Variants in LCLAT1 observed in about 807,000 individuals in gnomAD.
LCLAT1 encodes lysocardiolipin acyltransferase 1, also known as 1-AGP acyltransferase 8.
A neutral mutation model predicts 30.7 loss-of-function variants in LCLAT1; 11 were observed. The observed-to-expected ratio is 0.36, with a 90% CI of 0.23 to 0.59. The LOEUF is 0.59. LCLAT1 is among the 20% of genes least tolerant of loss of function. The probability of loss-of-function intolerance (pLI) is 0.77; values close to 1 mark genes in which losing one functional copy is unlikely to be tolerated. For missense variants in LCLAT1, 402 were observed against 458.6 expected (o/e 0.88, Z 1.13); for synonymous variants, 155 against 151.3 (o/e 1.02, Z -0.18).
chr2:30,459,634 A>G, intron 1 of LCLAT1: 6 of 1,613,842 alleles, frequency 3.7e-6, no homozygotes, highest in Non-Finnish European at 4.2e-6. Context: ...GGGAAGGGAA[A>G]TTGTGGTGCT....
chr2:30,538,850 C>G (rs78143937), intron 3 of LCLAT1, among the ~76,000 whole-genome samples: 1,660 of 152,044 alleles, frequency 0.011, 59 homozygotes, highest in East Asian at 0.08. Flanking sequence ...AAAACCCAAA[C>G]AGACCAATAA....
At chr2:30,612,629 G>C (rs553064969) in intron 5 of LCLAT1, among the ~76,000 whole-genome samples, 14 of 152,266 alleles carry the variant, frequency 9.2e-5, no homozygotes, top group African/African-American at 3.4e-4. Context: ...AGTATCTAAG[G>C]CTTGGCAAAG....
chr2:30,597,082 C>G (rs933754254), intron 5 of LCLAT1, among the ~76,000 whole-genome samples: 2 of 146,582 alleles, frequency 1.4e-5, no homozygotes, highest in African/African-American at 2.5e-5. Context: ...AATGTGATGC[C>G]TCCAGCTGTG....
chr2:30,509,856 G>A (rs983357275), intron 1 of LCLAT1, among the ~76,000 whole-genome samples: 1 of 152,146 alleles, frequency 6.6e-6, no homozygotes, highest in African/African-American at 2.4e-5. Context: ...AAGCCACGAC[G>A]CCCAACAAAG....
chr2:30,520,375 A>G (rs6739322), intron 1 of LCLAT1, among the ~76,000 whole-genome samples: 36,478 of 152,176 alleles, frequency 0.24, 5,328 homozygotes, highest in East Asian at 0.52. Context: ...TAACATCTTT[A>G]TTTTATAGGC....
intron 1 of LCLAT1, among the ~76,000 whole-genome samples, chr2:30,451,595 A>G (rs1681552082): frequency 6.6e-6 from 1 of 151,386 alleles, no homozygotes; most frequent in African/African-American, 2.4e-5. Context: ...ATGGATGAGT[A>G]AATCGTGATA....
intron 5 of LCLAT1, among the ~76,000 whole-genome samples, chr2:30,602,793 C>T (rs559619561): frequency 1.2e-4 from 18 of 152,136 alleles, no homozygotes; most frequent in Non-Finnish European, 2.5e-4. Flanking sequence ...TCCTGGAGTG[C>T]TACTCTTCAC....
intron 1 of LCLAT1, among the ~76,000 whole-genome samples, chr2:30,485,004 T>G (rs1683494744): frequency 6.6e-6 from 1 of 152,156 alleles, no homozygotes; most frequent in Non-Finnish European, 1.5e-5. Flanking sequence ...GAAGGTTTAT[T>G]AAACCCTGAC....
chr2:30,524,794 A>G (rs1257123019), intron 1 of LCLAT1, among the ~76,000 whole-genome samples: 1 of 152,092 alleles, frequency 6.6e-6, no homozygotes, highest in Non-Finnish European at 1.5e-5. Flanking sequence ...ACCACGCCTA[A>G]TTTGTAAGTT....
intron 1 of LCLAT1, among the ~76,000 whole-genome samples, chr2:30,517,597 A>T (rs1685242212): frequency 6.6e-6 from 1 of 152,228 alleles, no homozygotes; most frequent in Admixed American, 6.5e-5. Context: ...GATGAAAGCA[A>T]ATTGAATAAA....
intron 5 of LCLAT1, among the ~76,000 whole-genome samples, chr2:30,629,614 A>G (rs1215624882): frequency 6.6e-6 from 1 of 152,196 alleles, no homozygotes; most frequent in African/African-American, 2.4e-5. Flanking sequence ...TACAATACCA[A>G]GCATTAGTAA....
At position 30,570,855 on chromosome 2, in the gene LCLAT1, G is replaced by A. The variant is rs74374684; in HGVS notation, c.628+2679G>A. Among the ~76,000 whole-genome samples the A allele has an allele frequency of 2.8e-4, 42 of 152,306 alleles. No individual in the cohort carries two copies. In the East Asian group the frequency reaches 7.3e-3, roughly 27 times the overall value. On this transcript the variant is annotated intron_variant, in intron 5 of 5. Coordinates refer to ENST00000379509, the MANE Select transcript of LCLAT1 (RefSeq NM_001002257.3). ...GCAGGAAGAGGCTAAGGAGGCATCAGTTGGGGAGTTGAGGGCAACTCTCAT... is the reference window on the plus strand; with the variant it reads ...GCAGGAAGAGGCTAAGGAGGCATCAATTGGGGAGTTGAGGGCAACTCTCAT...
At chr2:30,593,105 C>T (rs776754628) in intron 5 of LCLAT1, among the ~76,000 whole-genome samples, 2 of 152,180 alleles carry the variant, frequency 1.3e-5, no homozygotes, top group Non-Finnish European at 2.9e-5. Context: ...CATAATTCTG[C>T]TCTCTGCCTC....
intron 1 of LCLAT1, among the ~76,000 whole-genome samples, chr2:30,451,295 A>C (rs945097643): frequency 1.3e-5 from 2 of 152,202 alleles, no homozygotes; most frequent in African/African-American, 4.8e-5. Flanking sequence ...GTGTAGACCA[A>C]CTGGATCTCT....
chr2:30,575,433 A>T (rs17009815), intron 5 of LCLAT1, among the ~76,000 whole-genome samples: 2 of 152,100 alleles, frequency 1.3e-5, no homozygotes, highest in Non-Finnish European at 2.9e-5. Flanking sequence ...CATCTCTCGC[A>T]TACACACATA....
rs1371106527 is a variant in LCLAT1, at chr2:30,568,122, G to C, written c.574G>C (p.Val192Leu). The C allele has an allele frequency of 5.0e-6, 8 of 1,609,056 alleles. No homozygotes were observed. Among genetic ancestry groups the C allele is most frequent in the Non-Finnish European group, 6.8e-6 (8 of 1,177,454 alleles). Residue 192 changes from valine to leucine, a missense_variant, in exon 5 of 6, where the codon GTT (valine) becomes CTT (leucine). Physicochemically the swap from Val to Leu is conservative, Grantham distance 32. Transcript: ENST00000379509. ...AAATGGACTTCAGAAATATGAATAT[G>C]TTTTACATCCAAGAACTACAGGCTT... is the stretch of plus-strand genomic sequence containing the variant. ...EKNGLQKYEY[V>L]LHPRTTGFTF...
intron 3 of LCLAT1, among the ~76,000 whole-genome samples, chr2:30,553,846 A>G (rs1308039664): frequency 6.6e-6 from 1 of 152,210 alleles, no homozygotes; most frequent in Non-Finnish European, 1.5e-5. Flanking sequence ...CAAATTATAT[A>G]TGCTGATTTT....
At chr2:30,460,485 C>T (rs979683261) in intron 1 of LCLAT1, among the ~76,000 whole-genome samples, 2 of 152,066 alleles carry the variant, frequency 1.3e-5, no homozygotes, top group Non-Finnish European at 2.9e-5. Flanking sequence ...TTTATGCTTG[C>T]GTTACTTCAG....
chr2:30,527,401 G>A (rs911067500), intron 2 of LCLAT1, among the ~76,000 whole-genome samples: 1 of 152,152 alleles, frequency 6.6e-6, no homozygotes, highest in African/African-American at 2.4e-5. Context: ...AATGTCATCA[G>A]TTTTCTATAG....
Sources: allele counts gnomAD v4.1 joint callset (sites outside exome capture counted in the v4.1 genomes callset), GRCh38; gene constraint gnomAD v4.1.1; transcripts MANE v1.5; gene names NCBI Gene and HGNC (gene_info 2026-07-23, HGNC 2026-07-21).